CMYA5: variants seen among roughly 807,000 people sequenced by gnomAD.
The protein encoded by CMYA5 is cardiomyopathy associated 5.
A neutral mutation model predicts 318.9 loss-of-function variants in CMYA5; 246 were observed. That is an observed-to-expected ratio of 0.77 (90% confidence interval 0.70 to 0.86). The LOEUF (loss-of-function observed/expected upper bound fraction) is 0.86, where lower values mean the gene tolerates loss of function less well. Among genes scored for constraint, CMYA5 ranks in the 40% least tolerant of loss-of-function variants. The pLI, the probability that CMYA5 is intolerant of heterozygous loss-of-function variation, is 0.00. For missense variants in CMYA5, 4,589 were observed against 4,678.2 expected (o/e 0.98, Z 0.56); for synonymous variants, 1,641 against 1,729.5 (o/e 0.95, Z 1.27).
intron 9 of CMYA5, among the ~76,000 whole-genome samples, chr5:79,775,737 C>T (rs967856455): frequency 1.3e-5 from 2 of 152,048 alleles, no homozygotes; most frequent in Admixed American, 6.6e-5. Flanking sequence ...GCTGCAAAAA[C>T]GTTCTCTGTA....
intron 3 of CMYA5, 53 bp from the exon 4 acceptor site, chr5:79,745,169 G>T: frequency 2.8e-6 from 3 of 1,075,718 alleles, no homozygotes; most frequent in Non-Finnish European, 4.0e-6. Context: ...AAAAAAAAAA[G>T]CAGCATTTCT....
rs116430009 is a variant in CMYA5 at position 79,798,006 on chromosome 5, G to A, written c.11964-1364G>A. 1.9e-3 allele frequency among the ~76,000 whole-genome samples: 287 copies of A among 152,230 alleles called. 3 individuals are homozygous for A. The highest frequency in any genetic ancestry group is 6.4e-3 in the African/African-American group (265 of 41,534). ...AGTCCCCATCATTGCTACCTGAAAC[G>A]TTTAGTCTGTCTTGCAGGTTCCAGA... On this transcript the variant is annotated intron_variant, in intron 12 of 12. Transcript: ENST00000446378.
intron 12 of CMYA5, among the ~76,000 whole-genome samples, chr5:79,795,847 C>T (rs560128038): frequency 2.0e-5 from 3 of 152,256 alleles, no homozygotes; most frequent in South Asian, 2.1e-4. Context: ...GTTCCAAGAT[C>T]GTGCAAGTGT....
rs766879909 is a variant in CMYA5 at position 79,735,826 on chromosome 5, C to T, written c.7061C>T (p.Pro2354Leu). The change falls in exon 2 of 13, where the codon CCA becomes CTA. Residue 2354 changes from proline to leucine, a missense_variant. Physicochemically the swap from Pro to Leu is moderately conservative, Grantham distance 98 (BLOSUM62 -3). Transcript: ENST00000446378. ...KRVQKPAIAP[P>L]SKWNISIFKE... ...GTCCAGAAGCCAGCAATCGCTCCTC[C>T]ATCTAAATGGAATATTTCTATTTTT... The T allele has an allele frequency of 2.6e-6, 4 of 1,550,566 alleles. No homozygotes were observed. The highest frequency in any genetic ancestry group is 4.4e-5 in the Admixed American group (2 of 45,954).
intron 2 of CMYA5, among the ~76,000 whole-genome samples, chr5:79,741,120 C>T (rs546365274): frequency 6.6e-6 from 1 of 152,338 alleles, no homozygotes; most frequent in African/African-American, 2.4e-5. Context: ...TCAAGCCATC[C>T]TCCCTCTTTG....
rs1009447578 is a variant in CMYA5 at position 79,694,671 on chromosome 5, C to T, written c.149+4615C>T. 5.9e-5 allele frequency among the ~76,000 whole-genome samples: 9 copies of T among 152,214 alleles called. No homozygotes were observed. The South Asian group carries it at 6.2e-4, about 11-fold the overall frequency. ...GACATTCACATTTAACTAGTCCTTG[C>T]AGGAATAAACCTTTTGGAAGGTGCA... On this transcript the variant is annotated intron_variant, in intron 1 of 12. Coordinates refer to ENST00000446378, the MANE Select transcript of CMYA5 (RefSeq NM_153610.5).
rs758566227 is a variant in CMYA5, at chr5:79,729,325, G to A, written c.560G>A (p.Gly187Asp). 19 of 1,611,964 alleles carry A rather than the reference G, an allele frequency of 1.2e-5. No individual in the cohort carries two copies. Among genetic ancestry groups the A allele is most frequent in the Middle Eastern group, 1.6e-4 (1 of 6,074 alleles). ...LTTEKEKSYTGIYDKARKKKT... is the reference protein window; with the variant it reads ...LTTEKEKSYTDIYDKARKKKT... ...ACGGAGAAAGAGAAGTCATATACTGGCATTTATGATAAAGCAAGAAAAAAG... is the reference window on the plus strand; with the variant it reads ...ACGGAGAAAGAGAAGTCATATACTGACATTTATGATAAAGCAAGAAAAAAG... The change falls in exon 2 of 13, where the codon GGC becomes GAC. Residue 187 changes from glycine (G) to aspartate (D), a missense_variant. Physicochemically the swap from Gly to Asp is moderately conservative, Grantham distance 94 (BLOSUM62 -1). Transcript: ENST00000446378.
chr5:79,703,614 C>A (rs1827213653), intron 1 of CMYA5, among the ~76,000 whole-genome samples: 1 of 152,124 alleles, frequency 6.6e-6, no homozygotes, highest in Non-Finnish European at 1.5e-5. Context: ...GTATGTATGA[C>A]CCTGGTTCAG....
Position 79,791,086 on chromosome 5 carries a change from A to C in CMYA5, c.11789+17A>C. ...GCTGACGGAGTAAGTAGAAGAAGAAAGCACAAGTGGGCTGATGGCCCAGCA... is the reference window on the plus strand; with the variant it reads ...GCTGACGGAGTAAGTAGAAGAAGAACGCACAAGTGGGCTGATGGCCCAGCA... On this transcript the variant is annotated intron_variant, in intron 11 of 12. Coordinates refer to ENST00000446378, the MANE Select transcript of CMYA5 (RefSeq NM_153610.5). The C allele has an allele frequency of 6.3e-7, 1 of 1,586,846 alleles. No individual in the cohort carries two copies. Among genetic ancestry groups the C allele is most frequent in the Non-Finnish European group, 8.6e-7 (1 of 1,156,574 alleles).
rs1828116460 is a variant in CMYA5, at chr5:79,737,870, A to C, written c.9105A>C (p.Ser3035=). 1 of 1,598,624 alleles carries C rather than the reference A, an allele frequency of 6.3e-7. No homozygotes were observed. Among genetic ancestry groups the C allele is most frequent in the African/African-American group, 1.4e-5 (1 of 73,638 alleles). Residue 3035 remains serine (S), a synonymous_variant, in exon 2 of 13, where the codon TCA becomes TCC. Transcript: ENST00000446378. ...HKTKEEISTD[S]ETDLSFIQPT... is the part of the protein sequence containing the mutation. ...CAAAAGAAGAGATATCCACAGATTC[A>C]GAAACTGATTTATCATTTATTCAGC...
chr5:79,770,154 C>A (rs941915011), intron 9 of CMYA5, among the ~76,000 whole-genome samples: 4 of 152,206 alleles, frequency 2.6e-5, no homozygotes, highest in Non-Finnish European at 5.9e-5. Flanking sequence ...CCCCTCCCCC[C>A]ACCAAGCTCG....
intron 5 of CMYA5, among the ~76,000 whole-genome samples, chr5:79,748,499 A>G (rs1049334198): frequency 8.3e-6 from 1 of 119,820 alleles, no homozygotes; most frequent in East Asian, 3.2e-4. Context: ...CGAGTTCCCT[A>G]TCTATCTATC....
chr5:79,720,428 A>ATT (rs1159659122), intron 1 of CMYA5, among the ~76,000 whole-genome samples: 2,442 of 44,376 alleles, frequency 0.055, 82 homozygotes, highest in African/African-American at 0.19. Flanking sequence ...TGCCAATCTA[A>ATT]TTTTTTTTTT....
At chr5:79,723,163 G>A (rs1475276636) in intron 1 of CMYA5, among the ~76,000 whole-genome samples, 2 of 151,946 alleles carry the variant, frequency 1.3e-5, no homozygotes, top group Admixed American at 6.6e-5. Flanking sequence ...TACATAGGCC[G>A]GGTGCAGTGG....
chr5:79,791,946 G>C (rs1483119260), intron 11 of CMYA5, among the ~76,000 whole-genome samples: 1 of 152,154 alleles, frequency 6.6e-6, no homozygotes, highest in East Asian at 1.9e-4. Flanking sequence ...TGAAACTCTT[G>C]AAAACTGTAA....
chr5:79,692,654 C>G (rs1319169754), intron 1 of CMYA5, among the ~76,000 whole-genome samples: 1 of 152,146 alleles, frequency 6.6e-6, no homozygotes, highest in Non-Finnish European at 1.5e-5. Context: ...ATTCCTAATT[C>G]ATAAGGTTGT....
At chr5:79,722,685 A>G (rs2151081921) in intron 1 of CMYA5, among the ~76,000 whole-genome samples, 1 of 151,628 alleles carries the variant, frequency 6.6e-6, no homozygotes, top group African/African-American at 2.4e-5. Flanking sequence ...TCAAAAAAAA[A>G]AAAAAAAAAA....
intron 9 of CMYA5, among the ~76,000 whole-genome samples, chr5:79,773,544 A>C (rs1414470251): frequency 5.3e-5 from 8 of 152,188 alleles, no homozygotes; most frequent in Non-Finnish European, 7.3e-5. Context: ...CTAGCTCCAA[A>C]AATTGATCCA....
chr5:79,741,938 T>C (rs905549507), intron 2 of CMYA5, among the ~76,000 whole-genome samples: 2 of 152,134 alleles, frequency 1.3e-5, no homozygotes, highest in Admixed American at 6.5e-5. Flanking sequence ...GCCAAGCAGC[T>C]AGCTTCATTT....
Sources: gnomAD v4.1 joint callset for allele counts (sites outside exome capture counted in the v4.1 genomes callset) on GRCh38, gnomAD v4.1.1 for gene constraint, MANE v1.5 for transcripts, NCBI Gene and HGNC (gene_info 2026-07-23, HGNC 2026-07-21) for gene names.